The following GSE1 variants were observed in gnomAD, a reference collection of about 807,000 sequenced individuals.
The protein encoded by GSE1 is Gse1 coiled-coil protein, also known as genetic suppressor element 1.
A neutral mutation model predicts 112.6 loss-of-function variants in GSE1; 32 were observed. The ratio of observed to expected loss-of-function variants is 0.28; its 90% CI spans 0.21 to 0.38. The LOEUF (loss-of-function observed/expected upper bound fraction) is 0.38, where lower values mean the gene tolerates loss of function less well. GSE1 is among the 10% of genes least tolerant of loss of function. The pLI is 1.00. For synonymous variants in GSE1, 1,115 were observed against 735.6 expected, an observed-to-expected ratio of 1.52 and a Z score of -8.35; for missense variants, 2,348 against 1,699.2, an observed-to-expected ratio of 1.38 and a Z score of -6.71.
At chr16:85,332,200 G>A (rs978815650) in intron 1 of GSE1, among the ~76,000 whole-genome samples, 39 of 152,264 alleles carry the variant, frequency 2.6e-4, no homozygotes, top group Middle Eastern at 3.4e-3. Context: ...GCACAACACC[G>A]CTGCTGTCTG....
chr16:85,318,993 C>T (rs1029661556), intron 1 of GSE1, among the ~76,000 whole-genome samples: 2 of 152,312 alleles, frequency 1.3e-5, no homozygotes, highest in South Asian at 4.1e-4. Flanking sequence ...AAGAATGGCG[C>T]ATCACCTGGT....
intron 2 of GSE1, among the ~76,000 whole-genome samples, chr16:85,521,331 G>T (rs1453576245): frequency 6.6e-6 from 1 of 152,214 alleles, no homozygotes; most frequent in Admixed American, 6.5e-5. Context: ...TGTAGAGGAG[G>T]AACTGGAGCT....
chr16:85,259,444 G>C (rs1225347270), intron 1 of GSE1, among the ~76,000 whole-genome samples: 4 of 152,248 alleles, frequency 2.6e-5, no homozygotes, highest in Non-Finnish European at 4.4e-5. Flanking sequence ...AGCCAGACAG[G>C]GGATCTCAGA....
At chr16:85,664,908 G>T in intron 11 of GSE1, 107 bp from the exon 12 acceptor site, 1 of 740,964 alleles carries the variant, frequency 1.3e-6, no homozygotes, top group Non-Finnish European at 2.3e-6. Context: ...TGGTTTTTCG[G>T]GCTTTAGTGC....
At chr16:85,437,219 C>T (rs1306702854) in intron 2 of GSE1, among the ~76,000 whole-genome samples, 1 of 152,158 alleles carries the variant, frequency 6.6e-6, no homozygotes, top group African/African-American at 2.4e-5. Context: ...GCCGGGCTCC[C>T]CAAGGAGGCT....
At position 85,656,457 on chromosome 16, in the gene GSE1, G is replaced by A. The variant is rs2051957037; in HGVS notation, c.1104G>A (p.Glu368=). Residue 368 remains glutamate (E), a synonymous_variant, in exon 7 of 16, where the codon GAG becomes GAA. Coordinates refer to ENST00000253458, the MANE Select transcript of GSE1 (RefSeq NM_014615.5). ...AACGTGAGCGCGAACGCGAGAAGGAGCGCGAGCAAGAGAAGGAGCGTGAGC... is the reference window on the plus strand; with the variant it reads ...AACGTGAGCGCGAACGCGAGAAGGAACGCGAGCAAGAGAAGGAGCGTGAGC... The part of the protein sequence containing the change: ...EKEREREREK[E]REQEKERERE... The A allele has an allele frequency of 1.3e-6, 2 of 1,552,992 alleles. No homozygotes were observed. The highest frequency in any genetic ancestry group is 8.7e-7 in the Non-Finnish European group (1 of 1,146,112).
At chr16:85,583,009 C>T (rs753490008) in intron 1 of GSE1, among the ~76,000 whole-genome samples, 63 of 152,294 alleles carry the variant, frequency 4.1e-4, no homozygotes, top group Middle Eastern at 6.8e-3. Context: ...GGCACAGTCT[C>T]GGGGATGCCA....
At chr16:85,604,492 C>T (rs907361804) in intron 1 of GSE1, among the ~76,000 whole-genome samples, 2 of 151,676 alleles carry the variant, frequency 1.3e-5, no homozygotes, top group African/African-American at 4.8e-5. Flanking sequence ...TGCGTGGACG[C>T]GAAGGTATGT....
chr16:85,623,905 C>T (rs984582273), intron 1 of GSE1, among the ~76,000 whole-genome samples: 2 of 152,162 alleles, frequency 1.3e-5, no homozygotes, highest in African/African-American at 4.8e-5. Context: ...GGTCCCTGTT[C>T]TTGGCTGTAG....
chr16:85,209,515 C>A (rs376357228), intron 1 of GSE1, among the ~76,000 whole-genome samples: 7 of 152,294 alleles, frequency 4.6e-5, no homozygotes. Flanking sequence ...CCCTCCCACC[C>A]TCTCCCCCAT....
intron 1 of GSE1, among the ~76,000 whole-genome samples, chr16:85,572,502 C>G (rs1434306944): frequency 2.0e-5 from 3 of 151,092 alleles, no homozygotes; most frequent in Admixed American, 2.0e-4. Context: ...CAACCACATA[C>G]CACACACACC....
chr16:85,348,696 C>T (rs2151554965), intron 1 of GSE1, among the ~76,000 whole-genome samples: 1 of 152,314 alleles, frequency 6.6e-6, no homozygotes, highest in South Asian at 2.1e-4. Context: ...GTCATTCTCA[C>T]CTGGCCTGCC....
chr16:85,547,738 A>G (rs1168126244), intron 2 of GSE1, among the ~76,000 whole-genome samples: 1 of 151,928 alleles, frequency 6.6e-6, no homozygotes, highest in Non-Finnish European at 1.5e-5. Context: ...AAAATTAGCC[A>G]GGCGTGGTGG....
intron 2 of GSE1, among the ~76,000 whole-genome samples, chr16:85,448,572 T>C (rs1313730970): frequency 6.6e-6 from 1 of 152,170 alleles, no homozygotes; most frequent in Non-Finnish European, 1.5e-5. Context: ...CACCTTCTGG[T>C]CCCTTCTAAA....
At chr16:85,206,964 C>T (rs950311922) in intron 1 of GSE1, among the ~76,000 whole-genome samples, 1 of 152,176 alleles carries the variant, frequency 6.6e-6, no homozygotes, top group Middle Eastern at 3.2e-3. Flanking sequence ...TTACAGCCTC[C>T]GGCGGCAGTT....
intron 1 of GSE1, among the ~76,000 whole-genome samples, chr16:85,281,342 C>G (rs976510833): frequency 7.2e-5 from 11 of 151,928 alleles, no homozygotes; most frequent in African/African-American, 2.2e-4. Context: ...TCACACCCTC[C>G]AAACCCCGGC....
At chr16:85,495,348 C>A (rs762310194) in intron 2 of GSE1, among the ~76,000 whole-genome samples, 1 of 152,062 alleles carries the variant, frequency 6.6e-6, no homozygotes, top group Non-Finnish European at 1.5e-5. Flanking sequence ...AGCGTGAGCC[C>A]TGCTAGGTTG....
chr16:85,578,523 C>T (rs1025098199), intron 1 of GSE1, among the ~76,000 whole-genome samples: 29 of 152,142 alleles, frequency 1.9e-4, no homozygotes, highest in African/African-American at 4.8e-4. Flanking sequence ...GTGCAACAAG[C>T]GTGTGTTAGC....
At chr16:85,175,085 C>A (rs931435328) in intron 1 of GSE1, among the ~76,000 whole-genome samples, 1 of 152,072 alleles carries the variant, frequency 6.6e-6, no homozygotes. Context: ...TGTGTTCATG[C>A]GTTAGCGAAT....
Sources: allele counts gnomAD v4.1 joint callset (sites outside exome capture counted in the v4.1 genomes callset), GRCh38; gene constraint gnomAD v4.1.1; transcripts MANE v1.5; gene names NCBI Gene and HGNC (gene_info 2026-07-23, HGNC 2026-07-21).